PCMTD1: variants seen among roughly 807,000 people sequenced by gnomAD.
The protein encoded by PCMTD1 is protein-L-isoaspartate (D-aspartate) O-methyltransferase domain containing 1.
PCMTD1 carries 12 observed loss-of-function variants against 37.6 expected under a neutral mutation model. The observed-to-expected ratio is 0.32, with a 90% CI of 0.20 to 0.52. The LOEUF (loss-of-function observed/expected upper bound fraction) is 0.52. Ranked by LOEUF, PCMTD1 falls within the 20% of genes least tolerant of loss-of-function variation. PCMTD1 has a pLI of 0.97. For synonymous variants in PCMTD1, 117 were observed against 135.8 expected, an observed-to-expected ratio of 0.86 and a Z score of 0.96; for missense variants, 235 against 421.3, an observed-to-expected ratio of 0.56 and a Z score of 3.87.
chr8:51,871,805 G>A (rs990804626), intron 1 of PCMTD1, among the ~76,000 whole-genome samples: 6 of 152,124 alleles, frequency 3.9e-5, no homozygotes, highest in South Asian at 2.1e-4. Context: ...CAGCAAAGTC[G>A]AAGTACATGA....
At chr8:51,887,469 A>G (rs2038880049) in intron 1 of PCMTD1, among the ~76,000 whole-genome samples, 1 of 152,146 alleles carries the variant, frequency 6.6e-6, no homozygotes, top group African/African-American at 2.4e-5. Context: ...CTTGGAATTT[A>G]TTTTCTCTTA....
chr8:51,899,134 G>A (rs758062355), upstream of PCMTD1: 147 of 1,378,544 alleles, frequency 1.1e-4, no homozygotes, highest in South Asian at 1.6e-4. Context: ...ACGGGCACAG[G>A]GGCAGCTCCC....
chr8:51,855,606 C>G (rs892833068), intron 2 of PCMTD1, among the ~76,000 whole-genome samples: 4 of 151,762 alleles, frequency 2.6e-5, no homozygotes, highest in African/African-American at 9.7e-5. Flanking sequence ...AACTCAGGTT[C>G]TGTTTGATGC....
At chr8:51,888,278 T>C (rs564513253) in intron 1 of PCMTD1, among the ~76,000 whole-genome samples, 2 of 152,194 alleles carry the variant, frequency 1.3e-5, no homozygotes, top group Non-Finnish European at 2.9e-5. Flanking sequence ...CAGGATATAG[T>C]AGCAGATTCA....
chr8:51,893,309 CTG>C (rs1341199036), intron 1 of PCMTD1, among the ~76,000 whole-genome samples: 2 of 152,100 alleles, frequency 1.3e-5, no homozygotes, highest in Non-Finnish European at 2.9e-5. Context: ...TAAGAAAAAA[CTG>C]TAACTTCTGC....
At position 51,891,082 on chromosome 8, in the gene PCMTD1, G is replaced by C. The variant is rs1450853038; in HGVS notation, c.-96+7848C>G. 2.6e-5 allele frequency among the ~76,000 whole-genome samples: 4 copies of C among 151,896 alleles called. No homozygotes were observed. In the East Asian group the frequency reaches 7.7e-4, roughly 29 times the overall value. ...ATAAATTTCTACTGCTGTTATACAG[G>C]GAAAAAAGCAAAATCAAATAAATGA... On this transcript the variant is annotated intron_variant, in intron 1 of 5. Coordinates refer to ENST00000522514, the MANE Select transcript of PCMTD1 (RefSeq NM_052937.4).
chr8:51,887,946 T>C (rs1479518246), intron 1 of PCMTD1, among the ~76,000 whole-genome samples: 1 of 152,086 alleles, frequency 6.6e-6, no homozygotes, highest in East Asian at 1.9e-4. Context: ...AGTTTCACCA[T>C]GTTGGCCAGG....
intron 2 of PCMTD1, among the ~76,000 whole-genome samples, chr8:51,851,926 A>C (rs908672425): frequency 2.4e-4 from 37 of 152,214 alleles, no homozygotes; most frequent in African/African-American, 8.9e-4. Context: ...CTGGGATTAC[A>C]GGCATGAGAC....
Position 51,817,789 on chromosome 8 carries a change from A to C in PCMTD1, c.*2562T>G, listed in dbSNP as rs2037779992. ...TGACCAATAAGCAGTATAGATTTAAATTATCTTCTTGGGTTGGTCTGAGGT... is the reference window on the plus strand; with the variant it reads ...TGACCAATAAGCAGTATAGATTTAACTTATCTTCTTGGGTTGGTCTGAGGT... On this transcript the variant is annotated 3_prime_UTR_variant, in exon 6 of 6. Coordinates refer to ENST00000522514, the MANE Select transcript of PCMTD1 (RefSeq NM_052937.4). The C allele has an allele frequency of 2.2e-6, 1 of 455,892 alleles. No individual in the cohort carries two copies. The highest frequency in any genetic ancestry group is 4.4e-6 in the Non-Finnish European group (1 of 226,784). The allele number at this position is 455,892 out of a possible 1,614,324, so 28.2% of individuals were successfully genotyped here.
At position 51,861,119 on chromosome 8, in the gene PCMTD1, A is replaced by G; in HGVS notation, c.33T>C (p.Asn11=). Residue 11 remains asparagine (N), a synonymous_variant, in exon 2 of 6, where the codon AAT becomes AAC. Transcript: ENST00000522514. ...CTTTTAAATTATCAATTAAGTCATC[A>G]TTATCTTCCCCAGCACTCACAGCTC... MGGAVSAGED[N]DDLIDNLKEA... 1 of 1,614,002 alleles carries G rather than the reference A, an allele frequency of 6.2e-7. No homozygotes were observed. Among genetic ancestry groups the G allele is most frequent in the Non-Finnish European group, 8.5e-7 (1 of 1,179,906 alleles).
chr8:51,870,375 C>A (rs2038621101), intron 1 of PCMTD1: 1 of 152,084 alleles, frequency 6.6e-6, no homozygotes, highest in African/African-American at 2.4e-5. Context: ...TGAAAAAATT[C>A]TTCTCAGTGA....
chr8:51,885,576 A>C (rs541655451), intron 1 of PCMTD1, among the ~76,000 whole-genome samples: 7 of 152,230 alleles, frequency 4.6e-5, no homozygotes, highest in Non-Finnish European at 1.0e-4. Flanking sequence ...ATGATTATTA[A>C]CACACATGGG....
intron 5 of PCMTD1, among the ~76,000 whole-genome samples, chr8:51,822,362 A>AG (rs2037860930): frequency 4.5e-5 from 3 of 66,918 alleles, no homozygotes; most frequent in South Asian, 6.1e-4. Flanking sequence ...GGGATGAGGG[A>AG]GGGAAAAAAA....
chr8:51,837,696 A>G (rs1312800019), intron 3 of PCMTD1, among the ~76,000 whole-genome samples: 4 of 152,184 alleles, frequency 2.6e-5, no homozygotes, highest in African/African-American at 4.8e-5. Flanking sequence ...TTATAATATG[A>G]ACTTAGGTTT....
intron 1 of PCMTD1, among the ~76,000 whole-genome samples, chr8:51,890,710 T>C (rs963868798): frequency 4.6e-5 from 7 of 152,180 alleles, no homozygotes; most frequent in Admixed American, 2.0e-4. Flanking sequence ...GTGGCTCCCA[T>C]AACCAACAGC....
At chr8:51,842,789 T>C (rs1487398976) in intron 3 of PCMTD1, among the ~76,000 whole-genome samples, 1 of 152,064 alleles carries the variant, frequency 6.6e-6, no homozygotes. Flanking sequence ...GTAATACTTT[T>C]GAAAAGGGGA....
intron 2 of PCMTD1, among the ~76,000 whole-genome samples, chr8:51,851,188 ACC>A (rs926084367): frequency 1.3e-5 from 2 of 152,220 alleles, no homozygotes; most frequent in Admixed American, 1.3e-4. Context: ...ATAAGATCAG[ACC>A]TTGTTATTTG....
intron 3 of PCMTD1, among the ~76,000 whole-genome samples, chr8:51,833,977 C>T (rs1051362891): frequency 3.3e-5 from 5 of 152,108 alleles, no homozygotes; most frequent in Admixed American, 6.5e-5. Context: ...AAGTCCATCA[C>T]AACCTCAATA....
chr8:51,886,717 T>C (rs778842874), intron 1 of PCMTD1, among the ~76,000 whole-genome samples: 12 of 152,204 alleles, frequency 7.9e-5, no homozygotes, highest in Non-Finnish European at 8.8e-5. Flanking sequence ...CCATAAGGAA[T>C]CAAATGGCCA....
Sources: gnomAD v4.1 joint callset for allele counts (sites outside exome capture counted in the v4.1 genomes callset) on GRCh38, gnomAD v4.1.1 for gene constraint, MANE v1.5 for transcripts, NCBI Gene and HGNC (gene_info 2026-07-23, HGNC 2026-07-21) for gene names.